PAX5: variants seen among roughly 807,000 people sequenced by gnomAD.
PAX5 encodes the protein paired box protein Pax-5.
PAX5 carries 9 observed loss-of-function variants against 43.7 expected under a neutral mutation model. The observed-to-expected ratio is 0.21, with a 90% CI of 0.12 to 0.36. The LOEUF (loss-of-function observed/expected upper bound fraction) is 0.36, where lower values mean the gene tolerates loss of function less well. PAX5 is among the 10% of genes least tolerant of loss of function. PAX5 has a pLI of 1.00. For missense variants in PAX5, 383 were observed against 532.7 expected (o/e 0.72, Z 2.77); for synonymous variants, 228 against 214.3 (o/e 1.06, Z -0.56).
intron 5 of PAX5, among the ~76,000 whole-genome samples, chr9:36,990,978 T>G (rs1836883766): frequency 6.6e-6 from 1 of 152,070 alleles, no homozygotes; most frequent in Admixed American, 6.6e-5. Flanking sequence ...GGCATGGCGG[T>G]TCATGCCTGT....
At chr9:37,002,553 G>A (rs924116480) in intron 5 of PAX5, 95 bp downstream of exon 5, 1 of 1,338,934 alleles carries the variant, frequency 7.5e-7, no homozygotes, top group African/African-American at 1.5e-5. Context: ...GGTAAGGGGG[G>A]TGTTCGCGGG....
At chr9:36,862,150 A>T (rs565120275) in intron 8 of PAX5, among the ~76,000 whole-genome samples, 1,534 of 152,000 alleles carry the variant, frequency 0.01, 25 homozygotes, top group African/African-American at 0.035. Context: ...GGGCCTCTCT[A>T]CCTCTCGCTA....
intron 8 of PAX5, among the ~76,000 whole-genome samples, chr9:36,867,068 G>A (rs939116341): frequency 4.0e-5 from 5 of 125,306 alleles, no homozygotes; most frequent in African/African-American, 9.2e-5. Context: ...GGTGGGGGGG[G>A]GGCCTTGGTT....
chr9:36,949,710 CGCACTCCCCAGTAGAAA>C (rs1304472139), intron 6 of PAX5, among the ~76,000 whole-genome samples: 1 of 152,180 alleles, frequency 6.6e-6, no homozygotes, highest in Non-Finnish European at 1.5e-5. Context: ...GGGTCCCTGA[CGCACTCCCCAGTAGAAA>C]GCACACCACC....
intron 8 of PAX5, among the ~76,000 whole-genome samples, chr9:36,874,113 C>T (rs964283870): frequency 6.6e-6 from 1 of 152,158 alleles, no homozygotes; most frequent in Non-Finnish European, 1.5e-5. Flanking sequence ...CTCCTCCCCG[C>T]TCCAGAACCT....
intron 8 of PAX5, among the ~76,000 whole-genome samples, chr9:36,874,781 G>A (rs1825774861): frequency 6.6e-6 from 1 of 152,144 alleles, no homozygotes; most frequent in Non-Finnish European, 1.5e-5. Context: ...GAGCTCTGCT[G>A]GAGAGCTCTT....
At chr9:36,857,525 T>C (rs11789318) in intron 8 of PAX5, among the ~76,000 whole-genome samples, 3,545 of 152,274 alleles carry the variant, frequency 0.023, 57 homozygotes, top group Middle Eastern at 0.048. Flanking sequence ...CAAGATGGAT[T>C]CAGAAGCAGA....
In PAX5 at chr9:36,836,495, T is replaced by G. The variant is rs1394653882; in HGVS notation, c.*4065A>C. On this transcript the variant is annotated 3_prime_UTR_variant, in exon 10 of 10. Coordinates refer to ENST00000358127, the MANE Select transcript of PAX5 (RefSeq NM_016734.3). ...TGGGTCAAGTTTGGCCCATGGACAT[T>G]TTTCTTTAGGCCGACAGAAAATTTT... 4.3e-6 allele frequency: 1 copy of G among 233,072 alleles called. No individual in the cohort carries two copies. Among genetic ancestry groups the G allele is most frequent in the East Asian group, 6.0e-5 (1 of 16,586 alleles). The allele number at this position is 233,072 out of a possible 1,614,324, so 14.4% of individuals were successfully genotyped here. A position where few individuals can be genotyped will look rare whatever the true frequency, so the allele number is the denominator to read the frequency against.
At chr9:36,867,744 CCTTT>C (rs1225517846) in intron 8 of PAX5, among the ~76,000 whole-genome samples, 1 of 152,070 alleles carries the variant, frequency 6.6e-6, no homozygotes, top group Non-Finnish European at 1.5e-5. Flanking sequence ...CTTCTCTCTT[CCTTT>C]CTTTCTTTCT....
intron 2 of PAX5, among the ~76,000 whole-genome samples, chr9:37,020,315 C>A (rs7858143): frequency 6.6e-6 from 1 of 152,074 alleles, no homozygotes; most frequent in African/African-American, 2.4e-5. Flanking sequence ...TTAAGTCCTA[C>A]GCGGGGACCC....
intron 5 of PAX5, among the ~76,000 whole-genome samples, chr9:36,986,951 G>T (rs764592714): frequency 7.2e-5 from 11 of 152,230 alleles, no homozygotes; most frequent in Admixed American, 3.9e-4. Flanking sequence ...CAGTGCCTGG[G>T]TGTCCAGAGG....
chr9:36,997,776 A>G (rs1837511570), intron 5 of PAX5, among the ~76,000 whole-genome samples: 1 of 152,204 alleles, frequency 6.6e-6, no homozygotes, highest in Non-Finnish European at 1.5e-5. Context: ...ATCCGTGTGA[A>G]CCGGGGCTGT....
In PAX5 at chr9:36,837,446, G is replaced by A; in HGVS notation, c.*3114C>T. On this transcript the variant is annotated 3_prime_UTR_variant, in exon 10 of 10. Coordinates refer to ENST00000358127, the MANE Select transcript of PAX5 (RefSeq NM_016734.3). The stretch of plus-strand genomic sequence containing the variant: ...ACAATGTCCTTTTCCAAAAGTCAGA[G>A]CTCGAACACAGGGAAGAAGGCCCAT... 1 of 233,268 alleles carries A rather than the reference G, an allele frequency of 4.3e-6. No homozygotes were observed. Among genetic ancestry groups the A allele is most frequent in the Non-Finnish European group, 8.5e-6 (1 of 118,042 alleles). 14.4% of individuals were successfully genotyped at this position (233,268 alleles called of 1,614,324 possible).
chr9:37,003,558 C>T (rs998821079), intron 4 of PAX5, among the ~76,000 whole-genome samples: 31 of 152,246 alleles, frequency 2.0e-4, no homozygotes, highest in Non-Finnish European at 3.5e-4. Flanking sequence ...AGGCAGAGTG[C>T]CTGGTGCCGG....
intron 8 of PAX5, among the ~76,000 whole-genome samples, chr9:36,863,832 C>T (rs531421694): frequency 6.5e-4 from 58 of 89,028 alleles, no homozygotes; most frequent in Admixed American, 1.7e-3. Flanking sequence ...CAGTAGGGGC[C>T]GGGCGCAGTG....
intron 7 of PAX5, among the ~76,000 whole-genome samples, chr9:36,889,447 T>A (rs1477501695): frequency 1.3e-5 from 2 of 152,250 alleles, no homozygotes; most frequent in African/African-American, 2.4e-5. Flanking sequence ...TATAGATTCA[T>A]TTCATCCTCA....
chr9:37,002,855 G>C, intron 4 of PAX5, 79 bp from the exon 5 acceptor site: 1 of 1,510,242 alleles, frequency 6.6e-7, no homozygotes, highest in Admixed American at 2.0e-5. Context: ...GTGAGGCTGG[G>C]GGCGGCTGGG....
rs1006439408 is a variant in PAX5, at chr9:36,868,222, C to T, written c.1012+13782G>A. 6.6e-5 allele frequency among the ~76,000 whole-genome samples: 10 copies of T among 152,234 alleles called. 1 individual carries two copies. The highest frequency in any genetic ancestry group is 1.9e-4 in the East Asian group (1 of 5,192). ...TCAAGCCCTGTTTAATTACACAGTC[C>T]GACCCTAACTTGCCCTGGACTCTGG... is the stretch of plus-strand genomic sequence containing the variant. On this transcript the variant is annotated intron_variant, in intron 8 of 9. Transcript: ENST00000358127.
In PAX5 at chr9:36,883,116, A is replaced by G. The variant is rs192549529; in HGVS notation, c.911-1011T>C. Among the ~76,000 whole-genome samples, 53 of 152,238 alleles carry G rather than the reference A, an allele frequency of 3.5e-4. 1 individual carries two copies. The East Asian group carries it at 9.9e-3, about 28-fold the overall frequency. The stretch of plus-strand genomic sequence containing the variant: ...CGTGAGAGGGGAGGGAACTTGTCCA[A>G]AGATACTCGGCTGACCTGAGGCAAG... On this transcript the variant is annotated intron_variant, in intron 7 of 9. Transcript: ENST00000358127.
Sources: gnomAD v4.1 joint callset for allele counts (sites outside exome capture counted in the v4.1 genomes callset) on GRCh38, gnomAD v4.1.1 for gene constraint, MANE v1.5 for transcripts, NCBI Gene and HGNC (gene_info 2026-07-23, HGNC 2026-07-21) for gene names.